Variants in NXPH2 observed in about 807,000 individuals in gnomAD.
NXPH2 encodes the protein neurexophilin-2.
Under a neutral mutation model 19.8 loss-of-function variants are expected in NXPH2, and 5 were observed. The observed-to-expected ratio is 0.25, with a 90% CI of 0.13 to 0.53. NXPH2 has a LOEUF of 0.53. Among genes scored for constraint, NXPH2 ranks in the 20% least tolerant of loss-of-function variants. The probability of loss-of-function intolerance (pLI) is 0.96; values close to 1 mark genes in which losing one functional copy is unlikely to be tolerated. For missense variants in NXPH2, 289 were observed against 322.8 expected (o/e 0.90, Z 0.80); for synonymous variants, 154 against 127.4 (o/e 1.21, Z -1.41).
intron 1 of NXPH2, among the ~76,000 whole-genome samples, chr2:138,706,676 C>A (rs1181206335): frequency 6.6e-6 from 1 of 152,014 alleles, no homozygotes; most frequent in Non-Finnish European, 1.5e-5. Flanking sequence ...CTTTTGGAGG[C>A]CAAAGCGGGA....
At chr2:138,687,502 C>T (rs1244107345) in intron 1 of NXPH2, among the ~76,000 whole-genome samples, 1 of 151,998 alleles carries the variant, frequency 6.6e-6, no homozygotes, top group Admixed American at 6.6e-5. Context: ...CTGTAGGTTG[C>T]CTGTTCACTC....
chr2:138,749,610 C>G (rs1194940430), intron 1 of NXPH2, among the ~76,000 whole-genome samples: 2 of 151,892 alleles, frequency 1.3e-5, no homozygotes, highest in Non-Finnish European at 1.5e-5. Flanking sequence ...CCTCTTTATC[C>G]TGAGCAGAAT....
intron 1 of NXPH2, among the ~76,000 whole-genome samples, chr2:138,754,905 G>T (rs1355149447): frequency 6.6e-6 from 1 of 152,038 alleles, no homozygotes. Context: ...TGGATTTTAG[G>T]CATTCTTATG....
chr2:138,760,379 A>T (rs1247434097), intron 1 of NXPH2, among the ~76,000 whole-genome samples: 13 of 152,170 alleles, frequency 8.5e-5, no homozygotes. Context: ...AAACAACAAC[A>T]ACAAAAACCC....
intron 1 of NXPH2, among the ~76,000 whole-genome samples, chr2:138,761,500 CT>C (rs1318953062): frequency 3.3e-5 from 5 of 152,230 alleles, no homozygotes; most frequent in Admixed American, 1.3e-4. Context: ...AATGCATCTG[CT>C]GTGCCTCCTG....
intron 1 of NXPH2, among the ~76,000 whole-genome samples, chr2:138,765,146 T>C (rs1003710019): frequency 1.3e-5 from 2 of 151,000 alleles, no homozygotes; most frequent in Non-Finnish European, 3.0e-5. Context: ...AGTAAGAGAG[T>C]GTTATTTGTG....
At chr2:138,672,208 T>C (rs937513402) in intron 1 of NXPH2, among the ~76,000 whole-genome samples, 1 of 152,248 alleles carries the variant, frequency 6.6e-6, no homozygotes, top group East Asian at 1.9e-4. Context: ...CAAAAAAGCA[T>C]GTGATGAGGA....
At chr2:138,754,778 A>G (rs777990458) in intron 1 of NXPH2, among the ~76,000 whole-genome samples, 5 of 152,150 alleles carry the variant, frequency 3.3e-5, no homozygotes, top group Non-Finnish European at 7.4e-5. Flanking sequence ...TGTCTTCCAA[A>G]TATTACAGTC....
At chr2:138,760,839 G>T (rs1682000275) in intron 1 of NXPH2, among the ~76,000 whole-genome samples, 1 of 152,192 alleles carries the variant, frequency 6.6e-6, no homozygotes, top group Admixed American at 6.5e-5. Context: ...CAGGCTGGCA[G>T]AGTTCCCAGT....
intron 1 of NXPH2, among the ~76,000 whole-genome samples, chr2:138,757,870 A>G (rs577562543): frequency 1.1e-3 from 158 of 149,754 alleles, no homozygotes; most frequent in African/African-American, 3.8e-3. Flanking sequence ...TCTATCTCCC[A>G]CTGGTTCCAC....
At chr2:138,758,359 G>A (rs143379252) in intron 1 of NXPH2, among the ~76,000 whole-genome samples, 151 of 152,208 alleles carry the variant, frequency 9.9e-4, no homozygotes, top group African/African-American at 3.5e-3. Flanking sequence ...AGAAAATTCT[G>A]CAGAATCACA....
chr2:138,674,941 C>T (rs1018249911), intron 1 of NXPH2, among the ~76,000 whole-genome samples: 1 of 152,200 alleles, frequency 6.6e-6, no homozygotes. Context: ...GAAGTGCTCC[C>T]TTACTTCCCA....
chr2:138,689,547 G>T (rs1558914331), intron 1 of NXPH2, among the ~76,000 whole-genome samples: 1 of 152,174 alleles, frequency 6.6e-6, no homozygotes, highest in Non-Finnish European at 1.5e-5. Flanking sequence ...TTGAGGTAAA[G>T]TACCAAGGAA....
chr2:138,771,161 T>C (rs1049671487), intron 1 of NXPH2, among the ~76,000 whole-genome samples: 1 of 152,092 alleles, frequency 6.6e-6, no homozygotes, highest in South Asian at 2.1e-4. Flanking sequence ...CTTACAACTA[T>C]ATTAAAGAAT....
chr2:138,773,219 A>T (rs1057181651), intron 1 of NXPH2, among the ~76,000 whole-genome samples: 45 of 152,216 alleles, frequency 3.0e-4, no homozygotes, highest in African/African-American at 1.0e-3. Flanking sequence ...ACTGAGATAC[A>T]AGCTGGAGAG....
intron 1 of NXPH2, among the ~76,000 whole-genome samples, chr2:138,716,161 C>A (rs772944795): frequency 3.3e-5 from 5 of 152,116 alleles, no homozygotes; most frequent in Non-Finnish European, 7.4e-5. Flanking sequence ...CATAGCATAC[C>A]GAACTCCATT....
rs566414354 is a variant in NXPH2 at position 138,686,085 on chromosome 2, T to C, written c.52-14420A>G. On this transcript the variant is annotated intron_variant, in intron 1 of 1. Coordinates refer to ENST00000272641, the MANE Select transcript of NXPH2 (RefSeq NM_007226.3). ...GGACCTCTCACAACTTTTTATTTCC[T>C]TAGACCACTTTGGGAAATGTTTTAA... 4.7e-4 allele frequency among the ~76,000 whole-genome samples: 71 copies of C among 152,318 alleles called. 1 individual carries two copies. In the South Asian group the frequency reaches 5.0e-3, roughly 11 times the overall value.
chr2:138,699,127 T>C (rs536505943), intron 1 of NXPH2, among the ~76,000 whole-genome samples: 3 of 152,170 alleles, frequency 2.0e-5, no homozygotes, highest in East Asian at 1.9e-4. Flanking sequence ...ATACACAACA[T>C]AAAGCAATCT....
chr2:138,682,807 T>G (rs1230854317), intron 1 of NXPH2, among the ~76,000 whole-genome samples: 2 of 152,228 alleles, frequency 1.3e-5, no homozygotes, highest in Non-Finnish European at 2.9e-5. Flanking sequence ...TTATTTTATC[T>G]TGATGACAGT....
Sources: allele counts gnomAD v4.1 joint callset (sites outside exome capture counted in the v4.1 genomes callset), GRCh38; gene constraint gnomAD v4.1.1; transcripts MANE v1.5; gene names NCBI Gene and HGNC (gene_info 2026-07-23, HGNC 2026-07-21).